FARS2: variants seen among roughly 807,000 people sequenced by gnomAD.
FARS2 encodes phenylalanyl-tRNA synthetase 2, mitochondrial.
Under a neutral mutation model 46.4 loss-of-function variants are expected in FARS2, and 40 were observed. The observed-to-expected ratio is 0.86, with a 90% CI of 0.67 to 1.12. FARS2 has a LOEUF of 1.12. Ranked by LOEUF, FARS2 falls within the 50% of genes most tolerant of loss-of-function variation. FARS2 has a pLI of 0.00. For synonymous variants in FARS2, 234 were observed against 214.9 expected (o/e 1.09, Z -0.78); for missense variants, 513 against 567.9 (o/e 0.90, Z 0.98).
In FARS2 at chr6:5,539,380, T is replaced by TGTG. The variant is rs1554106763; in HGVS notation, c.905-5800_905-5799insGTG. On this transcript the variant is annotated intron_variant, in intron 4 of 6. Coordinates refer to ENST00000274680, the MANE Select transcript of FARS2 (RefSeq NM_006567.5). ...CGCCACCATGCCCACCTAATTTTTT[T>TGTG]TGTGTATATATATATATATGTATAT... is the stretch of plus-strand genomic sequence containing the variant. Among the ~76,000 whole-genome samples the TGTG allele has an allele frequency of 7.3e-4, 58 of 79,798 alleles. 2 individuals are homozygous for TGTG. The highest frequency in any genetic ancestry group is 5.2e-3 in the African/African-American group (56 of 10,782). The allele number at this position is 79,798 out of a possible 152,430, so 52.4% of individuals were successfully genotyped here.
chr6:5,251,632 T>C, the FARS2 span, among the ~76,000 whole-genome samples: 8 of 152,206 alleles, frequency 5.3e-5, no homozygotes, highest in Admixed American at 6.5e-5. Context: ...AAACTATTCA[T>C]GAGAAACCTG....
At chr6:5,420,200 C>A (rs75325705) in intron 3 of FARS2, among the ~76,000 whole-genome samples, 3,793 of 152,262 alleles carry the variant, frequency 0.025, 189 homozygotes, top group African/African-American at 0.087. Context: ...GATTCAATTA[C>A]TTCCCACTGT....
intron 1 of FARS2, among the ~76,000 whole-genome samples, chr6:5,278,515 C>T (rs2127846716): frequency 6.6e-6 from 1 of 152,208 alleles, no homozygotes; most frequent in Admixed American, 6.5e-5. Context: ...TAATGGCGTA[C>T]TTTATTTGAA....
At chr6:5,658,313 T>C (rs926861932) in intron 6 of FARS2, among the ~76,000 whole-genome samples, 10 of 151,538 alleles carry the variant, frequency 6.6e-5, no homozygotes, top group African/African-American at 2.2e-4. Flanking sequence ...AATTGCTCAA[T>C]ATACATTGGT....
intron 4 of FARS2, among the ~76,000 whole-genome samples, chr6:5,474,164 G>A (rs1765973643): frequency 6.6e-6 from 1 of 152,210 alleles, no homozygotes; most frequent in African/African-American, 2.4e-5. Context: ...TATCTCCAAT[G>A]GCACATGCCG....
chr6:5,729,524 C>A (rs1459496733), intron 6 of FARS2, among the ~76,000 whole-genome samples: 2 of 152,154 alleles, frequency 1.3e-5, no homozygotes, highest in Non-Finnish European at 2.9e-5. Flanking sequence ...GCAGCCTGCA[C>A]CTGGCCGTAA....
chr6:5,393,993 C>T (rs893470732), intron 2 of FARS2, among the ~76,000 whole-genome samples: 3 of 152,222 alleles, frequency 2.0e-5, no homozygotes, highest in Non-Finnish European at 4.4e-5. Flanking sequence ...AAGCTTAAGG[C>T]TCTGACTTCC....
chr6:5,315,612 A>G (rs1769410998), intron 1 of FARS2, among the ~76,000 whole-genome samples: 1 of 152,182 alleles, frequency 6.6e-6, no homozygotes, highest in African/African-American at 2.4e-5. Flanking sequence ...ATCCATCTAC[A>G]ATCTGAAAAA....
chr6:5,712,428 G>T (rs1043935874), intron 6 of FARS2, among the ~76,000 whole-genome samples: 5 of 152,166 alleles, frequency 3.3e-5, no homozygotes, highest in Admixed American at 2.0e-4. Flanking sequence ...GTGTCCATGA[G>T]GGAGTGGGTA....
At chr6:5,731,564 G>T (rs1198378118) in intron 6 of FARS2, among the ~76,000 whole-genome samples, 3 of 152,140 alleles carry the variant, frequency 2.0e-5, no homozygotes, top group Non-Finnish European at 2.9e-5. Flanking sequence ...TTAATGAACA[G>T]TTTTATTCTG....
chr6:5,432,691 T>C (rs1763297053), intron 4 of FARS2, among the ~76,000 whole-genome samples: 1 of 151,498 alleles, frequency 6.6e-6, no homozygotes, highest in Non-Finnish European at 1.5e-5. Flanking sequence ...GGACATTTGC[T>C]GCTTGGCCTT....
chr6:5,507,760 A>ATG (rs1172431952), intron 4 of FARS2, among the ~76,000 whole-genome samples: 2 of 152,226 alleles, frequency 1.3e-5, no homozygotes, highest in African/African-American at 4.8e-5. Context: ...ACACGCCATG[A>ATG]TGGCACACAG....
At chr6:5,307,692 A>G (rs1333457501) in intron 1 of FARS2, among the ~76,000 whole-genome samples, 1 of 152,152 alleles carries the variant, frequency 6.6e-6, no homozygotes, top group Non-Finnish European at 1.5e-5. Context: ...AGTGAGCGTG[A>G]GCACTTCAGC....
At chr6:5,761,696 G>T (rs1342121211) in intron 6 of FARS2, among the ~76,000 whole-genome samples, 1 of 151,068 alleles carries the variant, frequency 6.6e-6, no homozygotes, top group African/African-American at 2.4e-5. Flanking sequence ...TGCAAAATGA[G>T]ACATTACTTC....
Position 5,539,384 on chromosome 6 carries a change from G to GTGTATA in FARS2, c.905-5795_905-5794insGTATAT. On this transcript the variant is annotated intron_variant, in intron 4 of 6. Coordinates refer to ENST00000274680, the MANE Select transcript of FARS2 (RefSeq NM_006567.5). ...ACCATGCCCACCTAATTTTTTTTGT[G>GTGTATA]TATATATATATATATGTATATATTT... 5.4e-4 allele frequency among the ~76,000 whole-genome samples: 43 copies of GTGTATA among 79,588 alleles called. 5 individuals are homozygous for GTGTATA. Among genetic ancestry groups the GTGTATA allele is most frequent in the Non-Finnish European group, 8.3e-4 (30 of 36,168 alleles). 52.2% of individuals were successfully genotyped at this position (79,588 alleles called of 152,430 possible).
At chr6:5,725,795 G>C (rs567462743) in intron 6 of FARS2, among the ~76,000 whole-genome samples, 1 of 152,078 alleles carries the variant, frequency 6.6e-6, no homozygotes, top group African/African-American at 2.4e-5. Flanking sequence ...AATTAGCTGG[G>C]CGTGGCGCGC....
intron 4 of FARS2, among the ~76,000 whole-genome samples, chr6:5,510,307 G>T (rs949982495): frequency 6.6e-6 from 1 of 152,124 alleles, no homozygotes; most frequent in Non-Finnish European, 1.5e-5. Context: ...TGCCTGGGTC[G>T]ACCCCTTAGG....
chr6:5,741,468 T>C (rs931096463), intron 6 of FARS2, among the ~76,000 whole-genome samples: 8 of 152,160 alleles, frequency 5.3e-5, no homozygotes, highest in Non-Finnish European at 8.8e-5. Context: ...GCCCAGCAGC[T>C]GGGGGAGCCT....
At chr6:5,251,178 A>G in the FARS2 span, among the ~76,000 whole-genome samples, 1 of 151,286 alleles carries the variant, frequency 6.6e-6, no homozygotes, top group South Asian at 2.1e-4. Context: ...ATATATACAT[A>G]CACACACACA....
Sources: allele counts gnomAD v4.1 joint callset (sites outside exome capture counted in the v4.1 genomes callset), GRCh38; gene constraint gnomAD v4.1.1; transcripts MANE v1.5; gene names NCBI Gene and HGNC (gene_info 2026-07-23, HGNC 2026-07-21).